The following SLC25A48 variants were observed in gnomAD, a reference collection of about 807,000 sequenced individuals.
SLC25A48 encodes the protein CTC-321K16.1.
SLC25A48 carries 29 observed loss-of-function variants against 32.2 expected under a neutral mutation model. The ratio of observed to expected loss-of-function variants is 0.90; its 90% CI spans 0.67 to 1.23. SLC25A48 has a LOEUF of 1.23. Among genes scored for constraint, SLC25A48 ranks in the 50% most tolerant of loss-of-function variants. SLC25A48 has a pLI of 0.00. For synonymous variants in SLC25A48, 164 were observed against 172.3 expected, an observed-to-expected ratio of 0.95 and a Z score of 0.38; for missense variants, 399 against 422.7, an observed-to-expected ratio of 0.94 and a Z score of 0.49.
chr5:135,793,079 G>A (rs1280053052), intron 3 of SLC25A48, among the ~76,000 whole-genome samples: 3 of 149,608 alleles, frequency 2.0e-5, no homozygotes, highest in Non-Finnish European at 4.5e-5. Flanking sequence ...GTATTATCCA[G>A]GGAAGATATT....
At chr5:135,624,079 A>G (rs1021352183) in intron 1 of SLC25A48, among the ~76,000 whole-genome samples, 2 of 152,156 alleles carry the variant, frequency 1.3e-5, no homozygotes, top group Non-Finnish European at 2.9e-5. Flanking sequence ...TGTTCCATGA[A>G]ATGAGCACAA....
At chr5:135,716,670 T>G (rs1231923112) in intron 3 of SLC25A48, among the ~76,000 whole-genome samples, 1 of 152,228 alleles carries the variant, frequency 6.6e-6, no homozygotes, top group Non-Finnish European at 1.5e-5. Flanking sequence ...ACAAGGAGTC[T>G]TCCAAATAAA....
intron 7 of SLC25A48, among the ~76,000 whole-genome samples, chr5:135,881,268 A>C (rs978288646): frequency 2.0e-5 from 3 of 152,238 alleles, no homozygotes; most frequent in Non-Finnish European, 4.4e-5. Context: ...TCTCCTGGGA[A>C]GGATGATCTT....
At chr5:135,790,728 G>T (rs1757004798) in intron 3 of SLC25A48, among the ~76,000 whole-genome samples, 2 of 149,628 alleles carry the variant, frequency 1.3e-5, no homozygotes, top group Non-Finnish European at 3.0e-5. Context: ...TGTATACACT[G>T]TGTGATATTA....
rs1762364958 is a variant in SLC25A48 at position 135,880,188 on chromosome 5, A to T, written c.*7+91A>T. On this transcript the variant is annotated intron_variant, in intron 7 of 7. Transcript: ENST00000681962. ...CATGAGAATGTTGTGGCCTTCTGAA[A>T]TGTCCTGTTGTTTGTCACATATCTA... The T allele has an allele frequency of 3.4e-6, 5 of 1,462,520 alleles. No homozygotes were observed. The East Asian group carries it at 1.2e-4, about 36-fold the overall frequency. 90.6% of individuals were successfully genotyped at this position (1,462,520 alleles called of 1,614,324 possible). A position where few individuals can be genotyped will look rare whatever the true frequency, so the allele number is the denominator to read the frequency against.
At chr5:135,817,622 G>A (rs1250055119) in intron 4 of SLC25A48, among the ~76,000 whole-genome samples, 1 of 152,046 alleles carries the variant, frequency 6.6e-6, no homozygotes, top group Non-Finnish European at 1.5e-5. Flanking sequence ...CTTATGGTAG[G>A]CAAAGATTTC....
intron 3 of SLC25A48, among the ~76,000 whole-genome samples, chr5:135,716,995 C>T (rs1348333611): frequency 6.6e-6 from 1 of 152,176 alleles, no homozygotes; most frequent in Non-Finnish European, 1.5e-5. Flanking sequence ...GAGGGCATAA[C>T]CATTATAATA....
intron 3 of SLC25A48, among the ~76,000 whole-genome samples, chr5:135,784,400 T>C (rs1253919805): frequency 8.5e-6 from 1 of 118,172 alleles, no homozygotes; most frequent in African/African-American, 2.6e-5. Context: ...TTACTCCCAA[T>C]ATCCCAGCAA....
intron 2 of SLC25A48, among the ~76,000 whole-genome samples, chr5:135,843,357 C>G (rs2126708001): frequency 6.6e-6 from 1 of 152,240 alleles, no homozygotes; most frequent in South Asian, 2.1e-4. Flanking sequence ...TGCCCCAGAC[C>G]TCAGAGCCGG....
In SLC25A48 at chr5:135,758,048, C is replaced by G. The variant is rs957292202; in HGVS notation, c.-520-54475C>G. Among the ~76,000 whole-genome samples, 2 of 150,438 alleles carry G rather than the reference C, an allele frequency of 1.3e-5. 1 individual carries two copies. The highest frequency in any genetic ancestry group is 1.3e-4 in the Admixed American group (2 of 15,130). On this transcript the variant is annotated intron_variant, in intron 3 of 10. Transcript: ENST00000646290. ...CACAATGATATTTATAGAATATCAT[C>G]TCTATGATATTTATAATATCTCTAG...
intron 3 of SLC25A48, among the ~76,000 whole-genome samples, chr5:135,812,310 C>G (rs1757608463): frequency 6.6e-6 from 1 of 152,124 alleles, no homozygotes; most frequent in African/African-American, 2.4e-5. Context: ...CTTTGTGTTA[C>G]AAACACTCCC....
At chr5:135,825,527 A>G (rs1758018053) in intron 4 of SLC25A48, among the ~76,000 whole-genome samples, 1 of 152,174 alleles carries the variant, frequency 6.6e-6, no homozygotes, top group Admixed American at 6.5e-5. Flanking sequence ...GCTGTAGAGC[A>G]GACATGGGCC....
chr5:135,619,112 T>G (rs906328154), intron 1 of SLC25A48, among the ~76,000 whole-genome samples: 3 of 152,164 alleles, frequency 2.0e-5, no homozygotes, highest in Non-Finnish European at 4.4e-5. Context: ...CTTTTCACCT[T>G]CTGGGACACC....
At chr5:135,600,312 G>A (rs1278431352) in intron 1 of SLC25A48, among the ~76,000 whole-genome samples, 3 of 152,176 alleles carry the variant, frequency 2.0e-5, no homozygotes, top group Admixed American at 6.5e-5. Flanking sequence ...CTACATTCTC[G>A]GCTGCTCACT....
chr5:135,749,286 C>CA (rs60658262), intron 3 of SLC25A48, among the ~76,000 whole-genome samples: 100 of 150,508 alleles, frequency 6.6e-4, no homozygotes, highest in African/African-American at 1.7e-3. Context: ...GTTCCACACA[C>CA]AAAAAAAAAC....
At chr5:135,607,375 A>G (rs1561755675) in intron 1 of SLC25A48, among the ~76,000 whole-genome samples, 1 of 152,172 alleles carries the variant, frequency 6.6e-6, no homozygotes, top group African/African-American at 2.4e-5. Context: ...GCATGTGCCC[A>G]TGCATACATC....
In SLC25A48 at chr5:135,840,059, G is replaced by A. The variant is rs762129820; in HGVS notation, c.47-2357G>A. Reference sequence around the variant, plus strand: ...ATACAAAGGGCTTCTTAATCTAAGTGGCCTTAGGGCAGCCTTGGTTCTCTT... The same window carrying A: ...ATACAAAGGGCTTCTTAATCTAAGTAGCCTTAGGGCAGCCTTGGTTCTCTT... On this transcript the variant is annotated intron_variant, in intron 1 of 7. Transcript: ENST00000681962. 1.1e-3 allele frequency among the ~76,000 whole-genome samples: 161 copies of A among 152,166 alleles called. 3 individuals carry two copies. The highest frequency in any genetic ancestry group is 4.7e-4 in the Non-Finnish European group (32 of 68,036).
upstream of SLC25A48, among the ~76,000 whole-genome samples, chr5:135,830,620 A>C (rs1758180182): frequency 6.6e-6 from 1 of 152,214 alleles, no homozygotes; most frequent in Non-Finnish European, 1.5e-5. Flanking sequence ...CAAAGGAAGA[A>C]ATCCTGCTCC....
intron 2 of SLC25A48, among the ~76,000 whole-genome samples, chr5:135,848,285 C>G (rs1277573087): frequency 1.3e-5 from 2 of 152,162 alleles, no homozygotes; most frequent in Admixed American, 1.3e-4. Flanking sequence ...TGGCAGTCAG[C>G]CATTTGTGGA....
Sources: gnomAD v4.1 joint callset for allele counts (sites outside exome capture counted in the v4.1 genomes callset) on GRCh38, gnomAD v4.1.1 for gene constraint, MANE v1.5 for transcripts, NCBI Gene and HGNC (gene_info 2026-07-23, HGNC 2026-07-21) for gene names.